Variants in HJURP observed in about 807,000 individuals in gnomAD.
HJURP encodes the protein 14-3-3-associated AKT substrate.
Under a neutral mutation model 72.0 loss-of-function variants are expected in HJURP, and 49 were observed. The ratio of observed to expected loss-of-function variants is 0.68; its 90% CI spans 0.54 to 0.86. HJURP has a LOEUF of 0.86. Among genes scored for constraint, HJURP ranks in the 40% least tolerant of loss-of-function variants. HJURP has a pLI of 0.00. For missense variants in HJURP, 908 were observed against 936.3 expected (o/e 0.97, Z 0.39); for synonymous variants, 357 against 347.1 (o/e 1.03, Z -0.32).
intron 4 of HJURP, 27 bp from the exon 5 acceptor site, chr2:233,847,488 T>A: frequency 6.3e-7 from 1 of 1,589,544 alleles, no homozygotes; most frequent in African/African-American, 1.3e-5. Context: ...TAAATCTCAA[T>A]CAGGATTTTC....
intron 6 of HJURP, among the ~76,000 whole-genome samples, chr2:233,844,927 G>A (rs1402793529): frequency 6.6e-6 from 1 of 152,134 alleles, no homozygotes; most frequent in Non-Finnish European, 1.5e-5. Flanking sequence ...TTAAGAGAGG[G>A]GTTGGCAGGT....
intron 3 of HJURP, among the ~76,000 whole-genome samples, chr2:233,852,190 T>C (rs1316911402): frequency 1.3e-5 from 2 of 152,308 alleles, no homozygotes; most frequent in East Asian, 3.9e-4. Context: ...TCTTCTTCCC[T>C]AGAAGGAACT....
At chr2:233,854,307 C>A in intron 1 of HJURP, 77 bp downstream of exon 1, 1 of 1,030,224 alleles carries the variant, frequency 9.7e-7, no homozygotes, top group Admixed American at 2.2e-5. Context: ...AGCCCCTTCC[C>A]TTCCCGTCCT....
intron 3 of HJURP, among the ~76,000 whole-genome samples, chr2:233,851,654 T>G (rs1705499027): frequency 6.6e-6 from 1 of 151,808 alleles, no homozygotes; most frequent in Non-Finnish European, 1.5e-5. Context: ...ACCGGAAAAG[T>G]GAGGGAGAAA....
chr2:233,853,048 T>C (rs1705533175), intron 2 of HJURP, among the ~76,000 whole-genome samples: 1 of 152,232 alleles, frequency 6.6e-6, no homozygotes, highest in Non-Finnish European at 1.5e-5. Flanking sequence ...GTAGCAGACC[T>C]GCCACTGGAA....
chr2:233,846,410 CCACCG>C lies in HJURP; in HGVS notation c.403-595_403-591del, dbSNP rs1165418904. ...GAGGTTGCAGTGAGCTGAGATTGCC[CCACCG>C]CACTCCAGCCTGGGTGACAGAGTGA... On this transcript the variant is annotated intron_variant, in intron 5 of 8. Coordinates refer to ENST00000411486, the MANE Select transcript of HJURP (RefSeq NM_018410.5). This position sits in a 1 kb window ranked among gnomAD's most constrained non-coding sequence, Gnocchi z 4.3. Among the ~76,000 whole-genome samples the C allele has an allele frequency of 6.6e-6, 1 of 152,104 alleles. No homozygotes were observed. The highest frequency in any genetic ancestry group is 1.5e-5 in the Non-Finnish European group (1 of 68,024).
chr2:233,840,972 A>C lies in HJURP; in HGVS notation c.1808T>G (p.Leu603Ter). The C allele has an allele frequency of 6.2e-7, 1 of 1,614,166 alleles. No homozygotes were observed. Among genetic ancestry groups the C allele is most frequent in the Non-Finnish European group, 8.5e-7 (1 of 1,180,008 alleles). ...LKSPGQMTVP[L>*]CIGVSTDKAS... ...TTTATCTGTAGACACTCCAATACAT[A>C]AAGGCACTGTCATCTGCCCAGGAGA... Residue 603 changes from leucine (L) to a stop codon, truncating the protein, a stop_gained, in exon 8 of 9, where the codon TTA becomes TGA. Transcript: ENST00000411486. LOFTEE classifies it high-confidence loss of function.
chr2:233,850,387 G>A (rs1391266533), intron 3 of HJURP, among the ~76,000 whole-genome samples: 1 of 152,210 alleles, frequency 6.6e-6, no homozygotes, highest in Admixed American at 6.5e-5. Flanking sequence ...GGGCAGAGGT[G>A]GTCGGGCGGC....
chr2:233,841,487 C>G lies in HJURP; in HGVS notation c.1293G>C (p.Gln431His). ...GATCAAATCGGATTTCAATCTCCCTCTGACGGTTCTCTCCATGGCCCTGTC... is the reference window on the plus strand; with the variant it reads ...GATCAAATCGGATTTCAATCTCCCTGTGACGGTTCTCTCCATGGCCCTGTC... ...TIRQGHGENRQREIEIRFDQL... is the reference protein window; with the variant it reads ...TIRQGHGENRHREIEIRFDQL... Residue 431 changes from glutamine (Q) to histidine (H), a missense_variant, in exon 8 of 9, where the codon CAG becomes CAC. Physicochemically the swap from Gln to His is conservative, Grantham distance 24. This residue lies in a region of HJURP where 598 missense variants were observed against 619.5 expected (regional missense o/e 0.97). Coordinates refer to ENST00000411486, the MANE Select transcript of HJURP (RefSeq NM_018410.5). 1 of 1,614,246 alleles carries G rather than the reference C, an allele frequency of 6.2e-7. No individual in the cohort carries two copies. Among genetic ancestry groups the G allele is most frequent in the African/African-American group, 1.3e-5 (1 of 75,072 alleles).
chr2:233,844,111 G>A, intron 7 of HJURP, 94 bp downstream of exon 7: 1 of 834,322 alleles, frequency 1.2e-6, no homozygotes. Context: ...GGAAATGATG[G>A]CGTGGCCAGT....
chr2:233,842,268 G>A, intron 7 of HJURP, 63 bp from the exon 8 acceptor site: 2 of 1,388,984 alleles, frequency 1.4e-6, no homozygotes, highest in South Asian at 2.8e-5. Context: ...CATGTGCACA[G>A]ATGACAGAAC....
rs1057079516 is a variant in HJURP at position 233,847,101 on chromosome 2, G to T, written c.402+296C>A. Among the ~76,000 whole-genome samples the T allele has an allele frequency of 7.0e-4, 106 of 152,182 alleles. 2 individuals carry two copies. Among genetic ancestry groups the T allele is most frequent in the Admixed American group, 3.9e-4 (6 of 15,286 alleles). On this transcript the variant is annotated intron_variant, in intron 5 of 8. Coordinates refer to ENST00000411486, the MANE Select transcript of HJURP (RefSeq NM_018410.5). ...TTCCTGTCGTGTGCTCATCCAGGCA[G>T]ATGGCGCCCTGCCAACCACACTGAC... is the stretch of plus-strand genomic sequence containing the variant.
In HJURP at chr2:233,847,349, GC is replaced by G. The variant is rs369255027; in HGVS notation, c.402+47del. 836 of 1,436,820 alleles carry G rather than the reference GC, an allele frequency of 5.8e-4. 4 individuals are homozygous for G. The African/African-American group carries it at 0.011, about 18-fold the overall frequency. 89.0% of individuals were successfully genotyped at this position (1,436,820 alleles called of 1,614,324 possible). ...CACATGGGCTTTGATGGACCCCTGA[GC>G]CCCCAAGCGCCCCCTCTGTCCATTC... On this transcript the variant is annotated intron_variant, in intron 5 of 8. Coordinates refer to ENST00000411486, the MANE Select transcript of HJURP (RefSeq NM_018410.5).
At chr2:233,844,899 T>C (rs1248365449) in intron 6 of HJURP, among the ~76,000 whole-genome samples, 1 of 152,218 alleles carries the variant, frequency 6.6e-6, no homozygotes, top group Non-Finnish European at 1.5e-5. Context: ...CTTTATTCTA[T>C]GGCAGAGGGC....
chr2:233,847,601 T>C, intron 4 of HJURP, 140 bp from the exon 5 acceptor site: 1 of 711,512 alleles, frequency 1.4e-6, no homozygotes, highest in South Asian at 1.6e-5. Context: ...ACTGGAGCCA[T>C]CTACGGCTGC....
In HJURP at chr2:233,845,797, CA is replaced by C. The variant is rs1339003727; in HGVS notation, c.425del (p.Leu142Ter). 4.3e-5 allele frequency: 69 copies of C among 1,613,256 alleles called. No individual in the cohort carries two copies. Among genetic ancestry groups the C allele is most frequent in the Non-Finnish European group, 5.5e-5 (65 of 1,179,386 alleles). ...ALAPAVPQSP[L>X]KNELRRKYLT... ...AGTATTTCCTTCTTAATTCATTTTTCAAAGGGCTTTGAGGCACTGCAGGCTG... is the reference window on the plus strand; with the variant it reads ...AGTATTTCCTTCTTAATTCATTTTTCAAGGGCTTTGAGGCACTGCAGGCTG... On this transcript the variant is annotated frameshift_variant, in exon 6 of 9. Transcript: ENST00000411486. LOFTEE classifies it high-confidence loss of function.
chr2:233,838,050 G>A (rs956425190), intron 8 of HJURP, among the ~76,000 whole-genome samples: 8 of 152,226 alleles, frequency 5.3e-5, no homozygotes, highest in Admixed American at 1.3e-4. Flanking sequence ...AAGATAAGAC[G>A]TAAAAACGGT....
chr2:233,842,299 T>C lies in HJURP; in HGVS notation c.575-94A>G, dbSNP rs573069833. On this transcript the variant is annotated intron_variant, in intron 7 of 8. Coordinates refer to ENST00000411486, the MANE Select transcript of HJURP (RefSeq NM_018410.5). ...AGAACTTAAGATTGGATCAGGACTA[T>C]GTTTTTTTAAGCAATAGCAAAAACA... The C allele has an allele frequency of 2.6e-6, 3 of 1,143,936 alleles. No homozygotes were observed. The African/African-American group carries it at 4.7e-5, about 18-fold the overall frequency. 70.9% of individuals were successfully genotyped at this position (1,143,936 alleles called of 1,614,324 possible).
rs373422006 is a variant in HJURP at position 233,841,192 on chromosome 2, T to A, written c.1588A>T (p.Thr530Ser). ...TGCTGCGGGCGAGTTGCGCTGTGTGTGGGGTTGGTCTTTGGAAGTGATGAA... is the reference window on the plus strand; with the variant it reads ...TGCTGCGGGCGAGTTGCGCTGTGTGAGGGGTTGGTCTTTGGAAGTGATGAA... The part of the protein sequence containing the change: ...SSSSLPKTNP[T>S]HSATRPQQTS... Residue 530 changes from threonine to serine, a missense_variant, in exon 8 of 9, where the codon ACA becomes TCA. Thr to Ser is a moderately conservative substitution (Grantham distance 58, BLOSUM62 1). Transcript: ENST00000411486. 6.2e-7 allele frequency: 1 copy of A among 1,614,028 alleles called. No individual in the cohort carries two copies.
Sources: gnomAD v4.1 joint callset for allele counts (sites outside exome capture counted in the v4.1 genomes callset) on GRCh38, gnomAD v4.1.1 for gene constraint, gnomAD v4.1.1 regional missense constraint, Gnocchi (gnomAD v3.1) non-coding constraint, MANE v1.5 for transcripts, NCBI Gene and HGNC (gene_info 2026-07-23, HGNC 2026-07-21) for gene names.